The following PDE1C variants were observed in gnomAD, a reference collection of about 807,000 sequenced individuals.
The protein encoded by PDE1C is phosphodiesterase 1C, also known as dual specificity calcium/calmodulin-dependent 3',5'-cyclic nucleotide phosphodiesterase 1C.
PDE1C carries 62 observed loss-of-function variants against 93.1 expected under a neutral mutation model. That is an observed-to-expected ratio of 0.67 (90% confidence interval 0.54 to 0.82). The LOEUF (loss-of-function observed/expected upper bound fraction) is 0.82, where lower values mean the gene tolerates loss of function less well. Among genes scored for constraint, PDE1C ranks in the 40% least tolerant of loss-of-function variants. The pLI, the probability that PDE1C is intolerant of heterozygous loss-of-function variation, is 0.00. For synonymous variants in PDE1C, 325 were observed against 310.1 expected (o/e 1.05, Z -0.50); for missense variants, 742 against 884.6 (o/e 0.84, Z 2.04).
intron 1 of PDE1C, among the ~76,000 whole-genome samples, chr7:32,271,109 G>A (rs1360475051): frequency 1.3e-5 from 2 of 152,206 alleles, no homozygotes; most frequent in Non-Finnish European, 2.9e-5. Context: ...TTGCACTCCA[G>A]CCTGGGTGAC....
At chr7:31,673,836 G>C in the PDE1C span, among the ~76,000 whole-genome samples, 2 of 152,090 alleles carry the variant, frequency 1.3e-5, no homozygotes, top group African/African-American at 2.4e-5. Flanking sequence ...TATAATATCA[G>C]AGCGTGAATT....
At chr7:32,047,735 T>G (rs1173414057) in intron 2 of PDE1C, among the ~76,000 whole-genome samples, 1 of 152,114 alleles carries the variant, frequency 6.6e-6, no homozygotes, top group Non-Finnish European at 1.5e-5. Flanking sequence ...AACAAGGTTT[T>G]GATAGGTAAA....
rs527239883 is a variant in PDE1C at position 32,338,841 on chromosome 7, A to G, written c.310+88981T>C. Among the ~76,000 whole-genome samples, 23 of 152,232 alleles carry G rather than the reference A, an allele frequency of 1.5e-4. No individual in the cohort carries two copies. In the South Asian group the frequency reaches 4.4e-3, roughly 29 times the overall value. On this transcript the variant is annotated intron_variant, in intron 1 of 1. Transcript: ENST00000672256. ...ACACGGTGAAACCCCGTCTCTACTA[A>G]AAATACAAAAAATTAGCCAAGCGTG...
At chr7:32,310,844 T>A (rs1184675134) in intron 1 of PDE1C, among the ~76,000 whole-genome samples, 1 of 151,768 alleles carries the variant, frequency 6.6e-6, no homozygotes, top group East Asian at 1.9e-4. Flanking sequence ...TTAAAAGAAC[T>A]AGAAAAGCAA....
At chr7:31,957,984 C>G (rs1808384360) in intron 2 of PDE1C, among the ~76,000 whole-genome samples, 1 of 152,156 alleles carries the variant, frequency 6.6e-6, no homozygotes, top group African/African-American at 2.4e-5. Context: ...GTTGAATGTA[C>G]CAGTGAGCAG....
chr7:32,371,755 A>C (rs1477790975), intron 1 of PDE1C, among the ~76,000 whole-genome samples: 1 of 152,264 alleles, frequency 6.6e-6, no homozygotes, highest in Non-Finnish European at 1.5e-5. Context: ...ATTTAATATT[A>C]TTAAGATAGT....
chr7:32,186,594 C>CTTTTTTAT (rs1374747075), intron 2 of PDE1C, among the ~76,000 whole-genome samples: 1 of 151,754 alleles, frequency 6.6e-6, no homozygotes, highest in Non-Finnish European at 1.5e-5. Flanking sequence ...CTTTCTTTGC[C>CTTTTTTAT]TTTTTTATTT....
intron 2 of PDE1C, among the ~76,000 whole-genome samples, chr7:31,939,468 T>G (rs1252255050): frequency 6.6e-6 from 1 of 152,016 alleles, no homozygotes; most frequent in African/African-American, 2.4e-5. Context: ...TCTGGGAGGG[T>G]CACTATATCA....
At chr7:32,029,728 A>T (rs1326594606) in intron 2 of PDE1C, among the ~76,000 whole-genome samples, 1 of 152,130 alleles carries the variant, frequency 6.6e-6, no homozygotes, top group Non-Finnish European at 1.5e-5. Flanking sequence ...TAGGTTTAAA[A>T]AATTGTGTAA....
At chr7:31,978,182 C>T (rs1001847285) in intron 2 of PDE1C, among the ~76,000 whole-genome samples, 6 of 152,136 alleles carry the variant, frequency 3.9e-5, no homozygotes, top group Non-Finnish European at 7.3e-5. Flanking sequence ...ACATAGATTT[C>T]GGCAGACTAC....
intron 1 of PDE1C, among the ~76,000 whole-genome samples, chr7:32,399,615 C>G (rs1029107994): frequency 4.3e-5 from 6 of 139,326 alleles, no homozygotes; most frequent in Non-Finnish European, 6.1e-5. Flanking sequence ...CAGAGTCTTC[C>G]TCTGTTGCCC....
At chr7:32,400,402 A>T (rs1051795017) in intron 1 of PDE1C, among the ~76,000 whole-genome samples, 1 of 152,056 alleles carries the variant, frequency 6.6e-6, no homozygotes, top group Admixed American at 6.5e-5. Flanking sequence ...TGTCCCACTG[A>T]GATGTTCTAT....
intron 1 of PDE1C, among the ~76,000 whole-genome samples, chr7:32,385,921 A>G (rs1784617306): frequency 6.6e-6 from 1 of 152,078 alleles, no homozygotes; most frequent in Non-Finnish European, 1.5e-5. Flanking sequence ...ACAACAAGCT[A>G]CTGGTCTGGG....
intron 2 of PDE1C, among the ~76,000 whole-genome samples, chr7:32,015,097 G>A (rs2128597376): frequency 6.6e-6 from 1 of 152,082 alleles, no homozygotes; most frequent in African/African-American, 2.4e-5. Context: ...TTCCTGCCTT[G>A]CCCTCCTTCC....
chr7:31,737,317 T>A, the PDE1C span, among the ~76,000 whole-genome samples: 2 of 152,012 alleles, frequency 1.3e-5, no homozygotes, highest in African/African-American at 4.8e-5. Flanking sequence ...GAAAAAAATA[T>A]ATAGATAAAT....
chr7:31,750,233 T>G (rs991641416), downstream of PDE1C, among the ~76,000 whole-genome samples: 1 of 151,918 alleles, frequency 6.6e-6, no homozygotes, highest in Non-Finnish European at 1.5e-5. Context: ...TCAGGGAGGT[T>G]GTGGGAGAGT....
At chr7:32,271,281 A>G (rs985346538) in intron 1 of PDE1C, among the ~76,000 whole-genome samples, 4 of 152,230 alleles carry the variant, frequency 2.6e-5, no homozygotes, top group African/African-American at 9.6e-5. Context: ...GAGCCAGTGG[A>G]AAGAGTTTTG....
intron 3 of PDE1C, among the ~76,000 whole-genome samples, chr7:31,880,291 TACGTAAG>T (rs1562962409): frequency 1.3e-5 from 2 of 152,104 alleles, no homozygotes; most frequent in East Asian, 3.9e-4. Context: ...ATCAGCGACA[TACGTAAG>T]ACTGAAGAGG....
intron 3 of PDE1C, among the ~76,000 whole-genome samples, chr7:32,133,636 T>A (rs904971187): frequency 6.6e-6 from 1 of 152,144 alleles, no homozygotes; most frequent in African/African-American, 2.4e-5. Flanking sequence ...ACCACACGCA[T>A]GACAGCTTAT....
Sources: gnomAD v4.1 joint callset for allele counts (sites outside exome capture counted in the v4.1 genomes callset) on GRCh38, gnomAD v4.1.1 for gene constraint, MANE v1.5 for transcripts, NCBI Gene and HGNC (gene_info 2026-07-23, HGNC 2026-07-21) for gene names.